AOPEP: variants seen among roughly 807,000 people sequenced by gnomAD.
AOPEP encodes aminopeptidase O.
Under a neutral mutation model 98.1 loss-of-function variants are expected in AOPEP, and 77 were observed. The observed-to-expected ratio is 0.78, with a 90% CI of 0.65 to 0.95. The LOEUF (loss-of-function observed/expected upper bound fraction) is 0.95, where lower values mean the gene tolerates loss of function less well. Ranked by LOEUF, AOPEP falls within the 40% of genes least tolerant of loss-of-function variation. The pLI, the probability that AOPEP is intolerant of heterozygous loss-of-function variation, is 0.00. For synonymous variants in AOPEP, 346 were observed against 365.3 expected, an observed-to-expected ratio of 0.95 and a Z score of 0.60; for missense variants, 1,024 against 1,024.7, an observed-to-expected ratio of 1.00 and a Z score of 0.01.
At chr9:94,941,609 C>T (rs2057016761) in intron 7 of AOPEP, among the ~76,000 whole-genome samples, 1 of 152,216 alleles carries the variant, frequency 6.6e-6, no homozygotes, top group African/African-American at 2.4e-5. Flanking sequence ...GTTAGAGGGA[C>T]ACCCTCAGCT....
At chr9:94,728,158 T>C (rs1453993310) in intron 1 of AOPEP, among the ~76,000 whole-genome samples, 1 of 152,166 alleles carries the variant, frequency 6.6e-6, no homozygotes, top group Non-Finnish European at 1.5e-5. Flanking sequence ...TTAATATCTT[T>C]AATACTGTGT....
At chr9:94,794,524 A>G (rs1846477120) in intron 4 of AOPEP, among the ~76,000 whole-genome samples, 1 of 152,146 alleles carries the variant, frequency 6.6e-6, no homozygotes. Flanking sequence ...AGATGAAGCT[A>G]TGTTCTCTCT....
At chr9:94,993,611 T>A (rs2061031456) in intron 11 of AOPEP, among the ~76,000 whole-genome samples, 1 of 152,190 alleles carries the variant, frequency 6.6e-6, no homozygotes. Flanking sequence ...TATATGTCTG[T>A]TACAAAGTGT....
rs2133825240 is a variant in AOPEP at position 95,053,454 on chromosome 9, A to G, written c.2116-7240A>G. Reference sequence around the variant, plus strand: ...CTTTTTAATAGCTACATAGTATTCCATTGCATGGCTACATACCATATAGGA... The same window carrying G: ...CTTTTTAATAGCTACATAGTATTCCGTTGCATGGCTACATACCATATAGGA... On this transcript the variant is annotated intron_variant, in intron 13 of 16. Coordinates refer to ENST00000375315, the MANE Select transcript of AOPEP (RefSeq NM_001193329.3). 2.6e-5 allele frequency among the ~76,000 whole-genome samples: 4 copies of G among 152,326 alleles called. No individual in the cohort carries two copies. In the Middle Eastern group the frequency reaches 0.01, roughly 389 times the overall value.
chr9:94,857,298 A>G (rs990358371), intron 5 of AOPEP, among the ~76,000 whole-genome samples: 1 of 152,178 alleles, frequency 6.6e-6, no homozygotes, highest in African/African-American at 2.4e-5. Context: ...CATTTCTTCA[A>G]CCATGTTTTA....
chr9:94,987,141 A>T (rs982529318), intron 11 of AOPEP, among the ~76,000 whole-genome samples: 6 of 152,254 alleles, frequency 3.9e-5, no homozygotes, highest in Non-Finnish European at 8.8e-5. Context: ...TGATTCAAAG[A>T]TGAGAGAAAT....
chr9:95,040,033 G>A (rs1028735376), intron 13 of AOPEP, among the ~76,000 whole-genome samples: 1 of 152,206 alleles, frequency 6.6e-6, no homozygotes, highest in African/African-American at 2.4e-5. Flanking sequence ...GAGCTCAGAG[G>A]CACAGGCCTC....
intron 7 of AOPEP, among the ~76,000 whole-genome samples, chr9:94,949,724 T>G (rs1227584714): frequency 6.6e-6 from 1 of 152,236 alleles, no homozygotes; most frequent in Non-Finnish European, 1.5e-5. Context: ...CAAATGCTAG[T>G]CAGTGGCAAA....
the AOPEP span, among the ~76,000 whole-genome samples, chr9:95,108,670 T>C: frequency 6.6e-6 from 1 of 152,240 alleles, no homozygotes; most frequent in African/African-American, 2.4e-5. Flanking sequence ...TATAAAGACA[T>C]ATATGCTTAC....
chr9:94,886,842 A>G (rs2048300861), intron 5 of AOPEP, among the ~76,000 whole-genome samples: 1 of 152,238 alleles, frequency 6.6e-6, no homozygotes, highest in African/African-American at 2.4e-5. Flanking sequence ...TTGTATATAT[A>G]AATCTGTTGC....
chr9:95,078,739 A>G (rs2134192487), intron 14 of AOPEP, among the ~76,000 whole-genome samples: 1 of 151,678 alleles, frequency 6.6e-6, no homozygotes, highest in Admixed American at 6.6e-5. Context: ...AGCAGATGAC[A>G]CCTCTGCTGG....
At chr9:94,729,216 G>A (rs921442829) in intron 1 of AOPEP, among the ~76,000 whole-genome samples, 1 of 152,182 alleles carries the variant, frequency 6.6e-6, no homozygotes, top group Non-Finnish European at 1.5e-5. Flanking sequence ...GGATGAAAGA[G>A]CAAGAGACTT....
intron 5 of AOPEP, among the ~76,000 whole-genome samples, chr9:94,881,299 G>C (rs1356746740): frequency 1.3e-5 from 2 of 150,542 alleles, no homozygotes; most frequent in African/African-American, 4.9e-5. Flanking sequence ...CTTTAGTGGT[G>C]AAACAGTGTG....
chr9:94,855,278 A>G (rs1423397092), intron 5 of AOPEP, among the ~76,000 whole-genome samples: 1 of 152,006 alleles, frequency 6.6e-6, no homozygotes, highest in Non-Finnish European at 1.5e-5. Context: ...GGGTTTCGCC[A>G]CATTGGCCAG....
chr9:94,760,492 GCTA>G lies in AOPEP; in HGVS notation c.712_714del (p.Thr238del), dbSNP rs945946832. The G allele has an allele frequency of 6.2e-7, 1 of 1,610,580 alleles. No individual in the cohort carries two copies. Among genetic ancestry groups the G allele is most frequent in the African/African-American group, 1.3e-5 (1 of 74,662 alleles). On this transcript the variant is annotated inframe_deletion, in exon 2 of 17. Transcript: ENST00000375315. ...GATAAGGAAGACAGGGGCTCAGACA[GCTA>G]CTGACTTTCCTCATGCTATCAGGAT...
the AOPEP span, chr9:95,135,496 C>T: frequency 1.9e-6 from 3 of 1,613,652 alleles, no homozygotes; most frequent in African/African-American, 4.0e-5. Context: ...GGAGAGAAAT[C>T]TTCTTCCTTT....
At chr9:95,076,448 T>TC (rs1424041281) in intron 14 of AOPEP, among the ~76,000 whole-genome samples, 2 of 152,204 alleles carry the variant, frequency 1.3e-5, no homozygotes, top group Non-Finnish European at 2.9e-5. Flanking sequence ...TGTCTATCTG[T>TC]CAGGGTCTCG....
chr9:94,830,163 A>G (rs1427599760), intron 5 of AOPEP, among the ~76,000 whole-genome samples: 1 of 152,164 alleles, frequency 6.6e-6, no homozygotes, highest in African/African-American at 2.4e-5. Context: ...CCCAGCATGC[A>G]TTAACTATTC....
chr9:94,804,274 C>T (rs1848782418), intron 5 of AOPEP, among the ~76,000 whole-genome samples: 2 of 152,202 alleles, frequency 1.3e-5, no homozygotes, highest in Non-Finnish European at 2.9e-5. Context: ...ATAGGAAATG[C>T]TTTGCTTTGC....
Sources: gnomAD v4.1 joint callset for allele counts (sites outside exome capture counted in the v4.1 genomes callset) on GRCh38, gnomAD v4.1.1 for gene constraint, MANE v1.5 for transcripts, NCBI Gene and HGNC (gene_info 2026-07-23, HGNC 2026-07-21) for gene names.